DOT1L: variants seen among roughly 807,000 people sequenced by gnomAD.
The protein encoded by DOT1L is DOT1 like histone lysine methyltransferase.
In DOT1L, 33 loss-of-function variants were observed where a neutral mutation model predicts 153.3. The ratio of observed to expected loss-of-function variants is 0.22; its 90% CI spans 0.16 to 0.29. The LOEUF is 0.29. Among genes scored for constraint, DOT1L ranks in the 10% least tolerant of loss-of-function variants. DOT1L has a pLI of 1.00. For missense variants in DOT1L, 1,847 were observed against 2,119.9 expected (o/e 0.87, Z 2.53); for synonymous variants, 1,135 against 965.1 (o/e 1.18, Z -3.26).
chr19:2,228,689 G>A, intron 27 of DOT1L: 4 of 985,428 alleles, frequency 4.1e-6, no homozygotes, highest in Non-Finnish European at 4.8e-6. Flanking sequence ...CGGGGTGCCA[G>A]GCCAGGGGGC....
chr19:2,224,627 G>GCCT (rs1165154470), intron 25 of DOT1L, among the ~76,000 whole-genome samples: 1 of 151,974 alleles, frequency 6.6e-6, no homozygotes, highest in Non-Finnish European at 1.5e-5. Flanking sequence ...CTACCACCGT[G>GCCT]CCTCGTTCGT....
At chr19:2,185,649 G>T (rs981916633) in intron 2 of DOT1L, among the ~76,000 whole-genome samples, 2 of 152,078 alleles carry the variant, frequency 1.3e-5, no homozygotes, top group Admixed American at 6.5e-5. Context: ...GGCACCTGTA[G>T]TCCCAGCTAC....
intron 22 of DOT1L, among the ~76,000 whole-genome samples, chr19:2,218,248 T>C (rs1036332001): frequency 6.6e-6 from 1 of 152,246 alleles, no homozygotes; most frequent in African/African-American, 2.4e-5. Context: ...TCCTCACAGC[T>C]GCCTCTGGGT....
chr19:2,210,676 C>T lies in DOT1L; in HGVS notation c.1172C>T (p.Pro391Leu), dbSNP rs747494025. 1.2e-6 allele frequency: 2 copies of T among 1,613,038 alleles called. No homozygotes were observed. Among genetic ancestry groups the T allele is most frequent in the East Asian group, 2.2e-5 (1 of 44,850 alleles). Residue 391 changes from proline to leucine, a missense_variant, in exon 14 of 28, where the codon CCC (proline) becomes CTC (leucine). Pro to Leu is a moderately conservative substitution (Grantham distance 98, BLOSUM62 -3). This residue lies in a region of DOT1L where 205 missense variants were observed against 203.1 expected (regional missense o/e 1.01). Coordinates refer to ENST00000398665, the MANE Select transcript of DOT1L (RefSeq NM_032482.3). Reference sequence around the variant, plus strand: ...GCAGCCACCGTGAAGAAGCCGTCTCCCTCCAAAGCCCGCAAGAAGAAGCTA... The same window carrying T: ...GCAGCCACCGTGAAGAAGCCGTCTCTCTCCAAAGCCCGCAAGAAGAAGCTA... Reference protein sequence around the residue: ...AGAATVKKPSPSKARKKKLNK... With the variant: ...AGAATVKKPSLSKARKKKLNK...
At chr19:2,164,360 C>T (rs1046179091) in intron 1 of DOT1L, 95 bp downstream of exon 1, 121 of 828,858 alleles carry the variant, frequency 1.5e-4, no homozygotes, top group Non-Finnish European at 1.8e-4. Context: ...GCTCACCGGT[C>T]CCCCCTGCGG....
intron 1 of DOT1L, among the ~76,000 whole-genome samples, chr19:2,167,161 A>T (rs925693737): frequency 3.2e-4 from 49 of 152,148 alleles, no homozygotes; most frequent in African/African-American, 1.2e-3. Flanking sequence ...ACTAAACACC[A>T]CTGGCGGGAT....
intron 2 of DOT1L, among the ~76,000 whole-genome samples, chr19:2,181,624 G>T (rs1287796628): frequency 6.6e-6 from 1 of 152,210 alleles, no homozygotes; most frequent in Non-Finnish European, 1.5e-5. Context: ...TGTGGGATCT[G>T]CTTTTTTTTA....
Position 2,220,230 on chromosome 19 carries a change from C to T in DOT1L, c.2806+8C>T. 1 of 1,608,654 alleles carries T rather than the reference C, an allele frequency of 6.2e-7. No homozygotes were observed. The highest frequency in any genetic ancestry group is 8.5e-7 in the Non-Finnish European group (1 of 1,177,392). On this transcript the variant is annotated splice_region_variant and intron_variant, in intron 23 of 27. Coordinates refer to ENST00000398665, the MANE Select transcript of DOT1L (RefSeq NM_032482.3). This position sits in a 1 kb window ranked among gnomAD's most constrained non-coding sequence, Gnocchi z 4.5. Reference sequence around the variant, plus strand: ...TTGCCCTGGCCCCCGCAGGTAACGCCCCTCCTGTGCCCTACCCTCAGGACT... The same window carrying T: ...TTGCCCTGGCCCCCGCAGGTAACGCTCCTCCTGTGCCCTACCCTCAGGACT...
Position 2,193,300 on chromosome 19 carries a change from T to C in DOT1L, c.494-389T>C, listed in dbSNP as rs1477775596. The stretch of plus-strand genomic sequence containing the variant: ...CATAAGATTTTATCAGCCAGGTTGC[T>C]GTGTGTCTGTGTGCTGGTGACGTGG... On this transcript the variant is annotated intron_variant, in intron 5 of 27. Coordinates refer to ENST00000398665, the MANE Select transcript of DOT1L (RefSeq NM_032482.3). This position sits in a 1 kb window ranked among gnomAD's most constrained non-coding sequence, Gnocchi z 5.9. Among the ~76,000 whole-genome samples the C allele has an allele frequency of 6.6e-6, 1 of 152,232 alleles. No homozygotes were observed. Among genetic ancestry groups the C allele is most frequent in the East Asian group, 1.9e-4 (1 of 5,206 alleles).
intron 4 of DOT1L, among the ~76,000 whole-genome samples, 182 bp downstream of exon 4, chr19:2,189,977 G>C (rs1305768638): frequency 2.0e-5 from 3 of 152,216 alleles, no homozygotes; most frequent in African/African-American, 7.2e-5. Context: ...AGGCTGGGCT[G>C]TGTGCTGTGG....
chr19:2,212,973 T>C (rs1410924277), intron 16 of DOT1L: 1 of 152,332 alleles, frequency 6.6e-6, no homozygotes, highest in Non-Finnish European at 1.5e-5. Context: ...TGGTTTGCAT[T>C]TTGGACTTTG....
At position 2,197,117 on chromosome 19, in the gene DOT1L, C is replaced by T. The variant is rs560176711; in HGVS notation, c.651+2540C>T. ...TGGGAGCCGTGGCCTGCGGTGCTTCCTTGCGGCCACGCCTGTCTGGTTTGG... is the reference window on the plus strand; with the variant it reads ...TGGGAGCCGTGGCCTGCGGTGCTTCTTTGCGGCCACGCCTGTCTGGTTTGG... On this transcript the variant is annotated intron_variant, in intron 7 of 27. Transcript: ENST00000398665. The surrounding 1 kb of genome is among the most constrained non-coding windows in gnomAD (Gnocchi z 4.1). 6.6e-6 allele frequency among the ~76,000 whole-genome samples: 1 copy of T among 152,248 alleles called. No individual in the cohort carries two copies. Among genetic ancestry groups the T allele is most frequent in the Admixed American group, 6.5e-5 (1 of 15,290 alleles).
rs116069832 is a variant in DOT1L at position 2,197,121 on chromosome 19, C to T, written c.651+2544C>T. On this transcript the variant is annotated intron_variant, in intron 7 of 27. Coordinates refer to ENST00000398665, the MANE Select transcript of DOT1L (RefSeq NM_032482.3). This position sits in a 1 kb window ranked among gnomAD's most constrained non-coding sequence, Gnocchi z 4.1. ...AGCCGTGGCCTGCGGTGCTTCCTTG[C>T]GGCCACGCCTGTCTGGTTTGGTCTC... Among the ~76,000 whole-genome samples, 192 of 152,192 alleles carry T rather than the reference C, an allele frequency of 1.3e-3. No homozygotes were observed. The highest frequency in any genetic ancestry group is 4.4e-3 in the African/African-American group (184 of 41,522).
In DOT1L at chr19:2,222,419, C is replaced by A; in HGVS notation, c.3250C>A (p.Arg1084Ser). The A allele has an allele frequency of 3.1e-6, 5 of 1,610,322 alleles. No homozygotes were observed. The highest frequency in any genetic ancestry group is 4.2e-6 in the Non-Finnish European group (5 of 1,178,750). ...TGTGCCGAGCCACGGGCAGGACAGT[C>A]GCAGGCGCGGCCGGCGGAAGCGAGC... ...DCVPSHGQDSRRRGRRKRASA... is the reference protein window; with the variant it reads ...DCVPSHGQDSSRRGRRKRASA... The change falls in exon 24 of 28, where the codon CGC becomes AGC. Residue 1084 changes from arginine (R) to serine (S), a missense_variant. By Grantham distance (110) the Arg-to-Ser change is moderately radical (BLOSUM62 -1). Coordinates refer to ENST00000398665, the MANE Select transcript of DOT1L (RefSeq NM_032482.3). This position sits in a 1 kb window ranked among gnomAD's most constrained non-coding sequence, Gnocchi z 6.5.
intron 27 of DOT1L, chr19:2,227,496 C>T: frequency 1.9e-6 from 1 of 534,490 alleles, no homozygotes; most frequent in Non-Finnish European, 3.5e-6. Context: ...AGTGCCTGCC[C>T]AGACAGGGCG....
chr19:2,200,184 G>A (rs2023191852), intron 8 of DOT1L, among the ~76,000 whole-genome samples: 1 of 152,112 alleles, frequency 6.6e-6, no homozygotes, highest in Non-Finnish European at 1.5e-5. Flanking sequence ...GCCCGTTCCT[G>A]CTGCCTGTCC....
chr19:2,222,085 G>A lies in DOT1L; in HGVS notation c.2916G>A (p.Gly972=), dbSNP rs377350114. The part of the protein sequence containing the change: ...PATLDESSSS[G]SLFATVGSRS... Reference sequence around the variant, plus strand: ...CCTTGGATGAGTCCTCCAGCTCTGGGAGCCTTTTTGCCACCGTGGGGTCCC... The same window carrying A: ...CCTTGGATGAGTCCTCCAGCTCTGGAAGCCTTTTTGCCACCGTGGGGTCCC... Residue 972 remains glycine, a synonymous_variant, in exon 24 of 28, where the codon GGG becomes GGA. Coordinates refer to ENST00000398665, the MANE Select transcript of DOT1L (RefSeq NM_032482.3). This position sits in a 1 kb window ranked among gnomAD's most constrained non-coding sequence, Gnocchi z 6.5. 2.6e-4 allele frequency: 427 copies of A among 1,613,302 alleles called. No homozygotes were observed. Among genetic ancestry groups the A allele is most frequent in the Non-Finnish European group, 3.5e-4 (416 of 1,179,924 alleles).
At chr19:2,227,977 C>T (rs1296032621) in intron 27 of DOT1L, 3 of 1,274,258 alleles carry the variant, frequency 2.4e-6, no homozygotes, top group Admixed American at 2.3e-5. Flanking sequence ...GCGGGGCCGC[C>T]CGTCCTCCAC....
Position 2,216,992 on chromosome 19 carries a change from A to G in DOT1L, c.2446A>G (p.Ser816Gly). ...CAAGGAGAACGGCCTTCCCTACCAG[A>G]GCCCCAGCGTGCCTGGCAGCATGAA... ...HTKENGLPYQSPSVPGSMKLS... is the reference protein window; with the variant it reads ...HTKENGLPYQGPSVPGSMKLS... The change falls in exon 21 of 28, where the codon AGC becomes GGC. Residue 816 changes from serine (S) to glycine (G), a missense_variant. Physicochemically the swap from Ser to Gly is moderately conservative, Grantham distance 56. Around this residue, in one of 8 missense-constraint regions of DOT1L, gnomAD observed 281 missense variants for 263.6 expected, o/e 1.07. Transcript: ENST00000398665. 1 of 1,612,994 alleles carries G rather than the reference A, an allele frequency of 6.2e-7. No individual in the cohort carries two copies.
Sources: gnomAD v4.1 joint callset for allele counts (sites outside exome capture counted in the v4.1 genomes callset) on GRCh38, gnomAD v4.1.1 for gene constraint, gnomAD v4.1.1 regional missense constraint, Gnocchi (gnomAD v3.1) non-coding constraint, MANE v1.5 for transcripts, NCBI Gene and HGNC (gene_info 2026-07-23, HGNC 2026-07-21) for gene names.